The following SSC5D variants were observed in gnomAD, a reference collection of about 807,000 sequenced individuals.
SSC5D encodes scavenger receptor cysteine rich family member with 5 domains, also known as soluble scavenger receptor cysteine-rich domain-containing protein SSC5D.
SSC5D carries 106 observed loss-of-function variants against 104.6 expected under a neutral mutation model. That is an observed-to-expected ratio of 1.01 (90% CI 0.87 to 1.19). The LOEUF is 1.19. SSC5D is among the 50% of genes most tolerant of loss of function. The probability of loss-of-function intolerance (pLI) is 0.00; values close to 1 mark genes in which losing one functional copy is unlikely to be tolerated. For synonymous variants in SSC5D, 860 were observed against 883.5 expected, an observed-to-expected ratio of 0.97 and a Z score of 0.47; for missense variants, 1,993 against 2,153.8, an observed-to-expected ratio of 0.93 and a Z score of 1.48.
At chr19:55,490,025 C>T (rs1987087771) in intron 4 of SSC5D, 30 bp downstream of exon 4, 1 of 1,504,022 alleles carries the variant, frequency 6.6e-7, no homozygotes, top group Non-Finnish European at 9.0e-7. Context: ...CTGCCAACCC[C>T]CACCCAGCGT....
At chr19:55,511,779 G>A (rs1987761186) in intron 12 of SSC5D, among the ~76,000 whole-genome samples, 1 of 152,154 alleles carries the variant, frequency 6.6e-6, no homozygotes, top group South Asian at 2.1e-4. Context: ...GGGCCGTGGG[G>A]ACTCATGGAA....
intron 6 of SSC5D, chr19:55,492,461 G>A (rs1987177509): frequency 6.6e-6 from 1 of 152,164 alleles, no homozygotes; most frequent in South Asian, 2.1e-4. Context: ...AGAGGGTGAA[G>A]GTGCCAAGAA....
chr19:55,516,377 G>A (rs1041129028), intron 13 of SSC5D, among the ~76,000 whole-genome samples: 5 of 152,052 alleles, frequency 3.3e-5, no homozygotes, highest in African/African-American at 7.2e-5. Flanking sequence ...GGCGCCTGTA[G>A]TCCCAGCTAC....
chr19:55,495,913 T>A lies in SSC5D; in HGVS notation c.1387+1130T>A, dbSNP rs796643438. Among the ~76,000 whole-genome samples, 139 of 149,720 alleles carry A rather than the reference T, an allele frequency of 9.3e-4. No homozygotes were observed. In the South Asian group the frequency reaches 9.6e-3, roughly 10 times the overall value. The stretch of plus-strand genomic sequence containing the variant: ...ACCGAGCCTGGCTATTTTTTTTTTT[T>A]TTTTTTTTTTGTAGAGACAGGGCCT... On this transcript the variant is annotated intron_variant, in intron 8 of 13. Coordinates refer to ENST00000389623, the MANE Select transcript of SSC5D (RefSeq NM_001144950.2).
rs919164402 is a variant in SSC5D at position 55,503,055 on chromosome 19, C to T, written c.2785+1854C>T. ...GTCTCAAATTCCTGACCTCGTGATC[C>T]GCCTGCCTCGGCCTCCCAAAGTGCT... On this transcript the variant is annotated intron_variant, in intron 12 of 13. Coordinates refer to ENST00000389623, the MANE Select transcript of SSC5D (RefSeq NM_001144950.2). The surrounding 1 kb of genome is among the most constrained non-coding windows in gnomAD (Gnocchi z 4.0). 3.3e-5 allele frequency among the ~76,000 whole-genome samples: 5 copies of T among 152,168 alleles called. No individual in the cohort carries two copies. The highest frequency in any genetic ancestry group is 2.1e-4 in the South Asian group (1 of 4,816).
At chr19:55,502,043 C>T (rs1485215228) in intron 12 of SSC5D, among the ~76,000 whole-genome samples, 2 of 152,168 alleles carry the variant, frequency 1.3e-5, no homozygotes, top group Non-Finnish European at 2.9e-5. Context: ...GGTGGGACTA[C>T]AGATGTGCGC....
chr19:55,499,723 T>G (rs887059347), intron 9 of SSC5D, 93 bp from the exon 10 acceptor site: 2 of 938,482 alleles, frequency 2.1e-6, no homozygotes, highest in Non-Finnish European at 3.2e-6. Flanking sequence ...GAATGGGAAC[T>G]GGGTGAGTGA....
intron 12 of SSC5D, among the ~76,000 whole-genome samples, chr19:55,505,383 A>C (rs1034415428): frequency 6.6e-6 from 1 of 151,846 alleles, no homozygotes; most frequent in Non-Finnish European, 1.5e-5. Flanking sequence ...GGTGTTATCC[A>C]TCTCTGCTAG....
rs1568486041 is a variant in SSC5D, at chr19:55,517,731, C to G, written c.3455C>G (p.Thr1152Ser). Reference sequence around the variant, plus strand: ...GACCCCTCCCCAAGCCCTCACCCCACTACTACCCCTGATCCCACCATGGCC... The same window carrying G: ...GACCCCTCCCCAAGCCCTCACCCCAGTACTACCCCTGATCCCACCATGGCC... Reference protein sequence around the residue: ...SPDPSPSPHPTTTPDPTMAPD... With the variant: ...SPDPSPSPHPSTTPDPTMAPD... Residue 1152 changes from threonine (T) to serine (S), a missense_variant, in exon 14 of 14, where the codon ACT (threonine) becomes AGT (serine). Thr to Ser is a moderately conservative substitution (Grantham distance 58). Around this residue, in one of 6 missense-constraint regions of SSC5D, gnomAD observed 423 missense variants for 409.2 expected, o/e 1.03. Transcript: ENST00000389623. 1 of 1,549,636 alleles carries G rather than the reference C, an allele frequency of 6.5e-7. No homozygotes were observed. Among genetic ancestry groups the G allele is most frequent in the Non-Finnish European group, 8.7e-7 (1 of 1,146,266 alleles).
intron 12 of SSC5D, among the ~76,000 whole-genome samples, chr19:55,509,850 CAAAAAAAAAAAA>C (rs1250937223): frequency 5.3e-5 from 4 of 75,986 alleles, no homozygotes; most frequent in African/African-American, 1.4e-4. Context: ...AACTCTGTCT[CAAAAAAAAAAAA>C]AAAAAAAAAA....
intron 8 of SSC5D, among the ~76,000 whole-genome samples, chr19:55,496,517 A>T (rs573069213): frequency 6.6e-6 from 1 of 152,270 alleles, no homozygotes; most frequent in East Asian, 1.9e-4. Context: ...ACGAGCATGC[A>T]CTGGCTCCTG....
intron 13 of SSC5D, among the ~76,000 whole-genome samples, chr19:55,516,408 A>G (rs1987871365): frequency 6.6e-6 from 1 of 151,928 alleles, no homozygotes. Context: ...GAGGCAGGAG[A>G]ATGGTGTGAA....
At chr19:55,494,889 G>A in intron 8 of SSC5D, 106 bp downstream of exon 8, 1 of 1,322,830 alleles carries the variant, frequency 7.6e-7, no homozygotes, top group Non-Finnish European at 1.0e-6. Flanking sequence ...GAAAGGTGGA[G>A]AAGAGGAGCA....
rs763708602 is a variant in SSC5D at position 55,489,068 on chromosome 19, C to T, written c.52+36C>T. 16 of 1,068,140 alleles carry T rather than the reference C, an allele frequency of 1.5e-5. No homozygotes were observed. The East Asian group carries it at 2.4e-4, about 16-fold the overall frequency. The allele number at this position is 1,068,140 out of a possible 1,614,324, so 66.2% of individuals were successfully genotyped here. A position where few individuals can be genotyped will look rare whatever the true frequency, so the allele number is the denominator to read the frequency against. ...AGACTCCTCCCATCTGCCCGCCCCCCCCCCCAGGCCTCCCCCTTCTGCCCA... is the reference window on the plus strand; with the variant it reads ...AGACTCCTCCCATCTGCCCGCCCCCTCCCCCAGGCCTCCCCCTTCTGCCCA... On this transcript the variant is annotated intron_variant, in intron 2 of 13. Transcript: ENST00000389623.
chr19:55,504,393 G>C, intron 12 of SSC5D: 4 of 1,286,772 alleles, frequency 3.1e-6, no homozygotes, highest in Non-Finnish European at 4.0e-6. Flanking sequence ...GCGTATGCGG[G>C]GTGGAGTGGG....
At chr19:55,512,922 G>C (rs1987788483) in intron 12 of SSC5D, 89 bp from the exon 13 acceptor site, 2 of 1,492,810 alleles carry the variant, frequency 1.3e-6, no homozygotes, top group African/African-American at 2.8e-5. Flanking sequence ...GATGATGCCT[G>C]AACTGGGGCT....
chr19:55,497,792 G>C, intron 8 of SSC5D, 88 bp from the exon 9 acceptor site: 1 of 1,281,970 alleles, frequency 7.8e-7, no homozygotes, highest in South Asian at 1.5e-5. Context: ...TGAGTGGAAA[G>C]GAAGATGGGG....
intron 7 of SSC5D, 68 bp downstream of exon 7, chr19:55,493,980 GCGGGGGC>G: frequency 3.1e-6 from 1 of 325,712 alleles, no homozygotes; most frequent in Non-Finnish European, 5.5e-6. Context: ...GGCAAGTTCG[GCGGGGGC>G]GGGGGGGTCC....
At chr19:55,506,555 C>T (rs538502120) in intron 12 of SSC5D, among the ~76,000 whole-genome samples, 5 of 151,834 alleles carry the variant, frequency 3.3e-5, no homozygotes, top group African/African-American at 4.8e-5. Context: ...CCACTATGCC[C>T]GGCTAATTTT....
Sources: allele counts gnomAD v4.1 joint callset (sites outside exome capture counted in the v4.1 genomes callset), GRCh38; gene constraint gnomAD v4.1.1; regional missense constraint gnomAD v4.1.1; non-coding constraint Gnocchi (gnomAD v3.1); transcripts MANE v1.5; gene names NCBI Gene and HGNC (gene_info 2026-07-23, HGNC 2026-07-21).